The following FN1 variants were observed in gnomAD, a reference collection of about 807,000 sequenced individuals.
FN1 encodes fibronectin.
Under a neutral mutation model 297.3 loss-of-function variants are expected in FN1, and 106 were observed. The ratio of observed to expected loss-of-function variants is 0.36; its 90% CI spans 0.30 to 0.42. FN1 has a LOEUF of 0.42. FN1 is among the 10% of genes least tolerant of loss of function. FN1 has a pLI of 1.00. For synonymous variants in FN1, 1,149 were observed against 1,152.6 expected (o/e 1.00, Z 0.06); for missense variants, 2,690 against 3,124.9 (o/e 0.86, Z 3.32).
At chr2:215,368,246 T>C (rs2055066536) in intron 41 of FN1, among the ~76,000 whole-genome samples, 1 of 152,242 alleles carries the variant, frequency 6.6e-6, no homozygotes, top group Non-Finnish European at 1.5e-5. Flanking sequence ...GCCCATCTTT[T>C]ATTTTTCCCT....
In FN1 at chr2:215,409,705, A is replaced by T; in HGVS notation, c.2157T>A (p.Ser719=). 6.2e-7 allele frequency: 1 copy of T among 1,614,112 alleles called. No individual in the cohort carries two copies. Among genetic ancestry groups the T allele is most frequent in the East Asian group, 2.2e-5 (1 of 44,884 alleles). The part of the protein sequence containing the change: ...NTVTGETTPF[S]PLVATSESVT... ...CAGATTCAGAAGTGGCCACAAGAGG[A>T]GAAAAGGGAGTCGTCTCTCCTGTCA... Residue 719 remains serine, a synonymous_variant, in exon 15 of 46, where the codon TCT becomes TCA. Coordinates refer to ENST00000354785, the MANE Select transcript of FN1 (RefSeq NM_212482.4).
Position 215,404,650 on chromosome 2 carries a change from C to G in FN1, c.2992G>C (p.Asp998His). 6.2e-7 allele frequency: 1 copy of G among 1,613,494 alleles called. No individual in the cohort carries two copies. Among genetic ancestry groups the G allele is most frequent in the Non-Finnish European group, 8.5e-7 (1 of 1,179,502 alleles). ...ACAAACTGGAGGTTAGTGGGAGCATCCAGTTCTAGGAAAAAAGATGAAACA... is the reference window on the plus strand; with the variant it reads ...ACAAACTGGAGGTTAGTGGGAGCATGCAGTTCTAGGAAAAAAGATGAAACA... ...PLTAQQTTKL[D>H]APTNLQFVNE... The change falls in exon 20 of 46, where the codon GAT (aspartate) becomes CAT (histidine). Residue 998 changes from aspartate to histidine, a missense_variant. By Grantham distance (81) the Asp-to-His change is moderately conservative. Coordinates refer to ENST00000354785, the MANE Select transcript of FN1 (RefSeq NM_212482.4).
chr2:215,389,212 TCCTG>T (rs1237897958), intron 26 of FN1, among the ~76,000 whole-genome samples: 4 of 152,148 alleles, frequency 2.6e-5, no homozygotes. Flanking sequence ...CAAGTGATTC[TCCTG>T]CCTCAGACTC....
intron 12 of FN1, among the ~76,000 whole-genome samples, chr2:215,417,439 AT>A (rs1377788907): frequency 4.6e-5 from 7 of 151,960 alleles, no homozygotes; most frequent in African/African-American, 1.7e-4. Flanking sequence ...TTTTTTCTCT[AT>A]TTATTTTGCT....
At chr2:215,404,741 G>C in intron 19 of FN1, 86 bp from the exon 20 acceptor site, 1 of 1,262,216 alleles carries the variant, frequency 7.9e-7, no homozygotes, top group Non-Finnish European at 1.2e-6. Flanking sequence ...GAATGTCTAA[G>C]TTTTCTCTCC....
chr2:215,383,420 C>T lies in FN1; in HGVS notation c.4958G>A (p.Trp1653Ter). ...AGTAACAGGGGAACTTGAAGGCAGC[C>T]ACTTGACACTAATGCTGTTGTCCTG... ...DVQDNSISVK[W>*]LPSSSPVTGY... The change falls in exon 31 of 46, where the codon TGG (tryptophan) becomes TAG (stop). Residue 1653 changes from tryptophan to a stop codon, truncating the protein, a stop_gained. Transcript: ENST00000354785. LOFTEE classifies it high-confidence loss of function. The T allele has an allele frequency of 6.2e-7, 1 of 1,614,076 alleles. No individual in the cohort carries two copies. The highest frequency in any genetic ancestry group is 8.5e-7 in the Non-Finnish European group (1 of 1,179,960).
chr2:215,368,706 G>A (rs972816278), intron 41 of FN1, among the ~76,000 whole-genome samples: 1 of 152,080 alleles, frequency 6.6e-6, no homozygotes, highest in Non-Finnish European at 1.5e-5. Context: ...TATTATAGTG[G>A]TGAGACAGCT....
intron 9 of FN1, 80 bp from the exon 10 acceptor site, chr2:215,422,323 A>T (rs936176054): frequency 2.9e-6 from 4 of 1,369,746 alleles, no homozygotes; most frequent in Non-Finnish European, 4.2e-6. Flanking sequence ...GGATCAGTTC[A>T]GTTTGGTCAT....
chr2:215,396,310 G>T (rs2060309180), intron 23 of FN1, among the ~76,000 whole-genome samples: 1 of 152,148 alleles, frequency 6.6e-6, no homozygotes, highest in Admixed American at 6.5e-5. Context: ...AGACTTCCAT[G>T]TGGTTTTGGC....
In FN1 at chr2:215,397,401, TTC is replaced by T. The variant is rs58022724; in HGVS notation, c.3518-180_3518-179del. Among the ~76,000 whole-genome samples the T allele has an allele frequency of 0.27, 40,354 of 147,574 alleles. 7,036 individuals are homozygous for T. The highest frequency in any genetic ancestry group is 0.93 in the East Asian group (4,740 of 5,096). On this transcript the variant is annotated intron_variant, in intron 22 of 45. Transcript: ENST00000354785. ...ACAGCAGTAATTCTCTGACAAAGAC[TTC>T]TTTATGATTAATGATTTTGCAATAC... is the stretch of plus-strand genomic sequence containing the variant.
chr2:215,435,869 C>T lies in FN1; in HGVS notation c.-67G>A, dbSNP rs2067397040. On this transcript the variant is annotated 5_prime_UTR_variant, in exon 1 of 46. Coordinates refer to ENST00000354785, the MANE Select transcript of FN1 (RefSeq NM_212482.4). ...TTGCCACCAAGTTTGCTTCCCTTCG[C>T]AACCTGCGGGAAAAATCCCTTCTAA... The T allele has an allele frequency of 6.7e-7, 1 of 1,490,032 alleles. No homozygotes were observed. Among genetic ancestry groups the T allele is most frequent in the South Asian group, 1.3e-5 (1 of 76,934 alleles). 92.3% of individuals were successfully genotyped at this position (1,490,032 alleles called of 1,614,324 possible). A position where few individuals can be genotyped will look rare whatever the true frequency, so the allele number is the denominator to read the frequency against.
chr2:215,378,417 C>T (rs1350037435), intron 34 of FN1, among the ~76,000 whole-genome samples, 155 bp from the exon 35 acceptor site: 3 of 152,092 alleles, frequency 2.0e-5, no homozygotes, highest in South Asian at 4.2e-4. Context: ...TAATTTCATT[C>T]CTACAGTGCA....
chr2:215,383,627 C>A, intron 30 of FN1, 144 bp from the exon 31 acceptor site: 1 of 888,408 alleles, frequency 1.1e-6, no homozygotes, highest in South Asian at 1.4e-5. Flanking sequence ...ACAGAGAGAG[C>A]TTTTAGAGGG....
At chr2:215,402,215 T>C (rs2061254298) in intron 20 of FN1, among the ~76,000 whole-genome samples, 1 of 151,974 alleles carries the variant, frequency 6.6e-6, no homozygotes, top group Admixed American at 6.6e-5. Flanking sequence ...CCACCTAGAG[T>C]CTTCCCAAGT....
rs1321060256 is a variant in FN1, at chr2:215,397,787, C to T, written c.3410G>A (p.Ser1137Asn). The change falls in exon 22 of 46, where the codon AGC (serine) becomes AAC (asparagine). Residue 1137 changes from serine to asparagine, a missense_variant. By Grantham distance (46) the Ser-to-Asn change is conservative. Coordinates refer to ENST00000354785, the MANE Select transcript of FN1 (RefSeq NM_212482.4). ...APREVTSDSGSIVVSGLTPGV... is the reference protein window; with the variant it reads ...APREVTSDSGNIVVSGLTPGV... ...TGGAGTCAAGCCGGACACAACGATG[C>T]TTCCTGAGTCTGAAGTCACTTCTCG... 2 of 1,614,070 alleles carry T rather than the reference C, an allele frequency of 1.2e-6. No individual in the cohort carries two copies. Among genetic ancestry groups the T allele is most frequent in the African/African-American group, 2.7e-5 (2 of 74,944 alleles).
intron 12 of FN1, among the ~76,000 whole-genome samples, chr2:215,418,320 G>C (rs1373770814): frequency 6.6e-6 from 1 of 152,194 alleles, no homozygotes; most frequent in African/African-American, 2.4e-5. Flanking sequence ...GGAAATGGAG[G>C]AATGAGGCTT....
At chr2:215,399,501 G>A in intron 20 of FN1, 150 bp from the exon 21 acceptor site, 2 of 655,324 alleles carry the variant, frequency 3.1e-6, no homozygotes, top group Admixed American at 2.1e-5. Context: ...TGAGAATTGG[G>A]AGAGGATCAG....
At chr2:215,375,890 C>G (rs991069986) in intron 36 of FN1, among the ~76,000 whole-genome samples, 172 bp from the exon 37 acceptor site, 1 of 152,182 alleles carries the variant, frequency 6.6e-6, no homozygotes, top group Admixed American at 6.5e-5. Flanking sequence ...TAACTGTTAA[C>G]AAGAAACATA....
Position 215,376,524 on chromosome 2 carries a change from G to A in FN1, c.5861C>T (p.Pro1954Leu). 6.2e-7 allele frequency: 1 copy of A among 1,614,122 alleles called. No individual in the cohort carries two copies. Among genetic ancestry groups the A allele is most frequent in the East Asian group, 2.2e-5 (1 of 44,882 alleles). The change falls in exon 36 of 46, where the codon CCA (proline) becomes CTA (leucine). Residue 1954 changes from proline (P) to leucine (L), a missense_variant. By Grantham distance (98) the Pro-to-Leu change is moderately conservative. Transcript: ENST00000354785. ...TGTGATGGTGTAGCTTCTGACATCT[G>A]GCTTGATGGTTCTCTGGATTGGAGT... ...GQTPIQRTIK[P>L]DVRSYTITGL...
Sources: allele counts gnomAD v4.1 joint callset (sites outside exome capture counted in the v4.1 genomes callset), GRCh38; gene constraint gnomAD v4.1.1; transcripts MANE v1.5; gene names NCBI Gene and HGNC (gene_info 2026-07-23, HGNC 2026-07-21).